ITPR1: variants seen among roughly 807,000 people sequenced by gnomAD.
The protein encoded by ITPR1 is inositol 1,4,5-trisphosphate receptor type 1, also known as inositol 1,4,5-trisphosphate-gated calcium channel ITPR1.
ITPR1 carries 96 observed loss-of-function variants against 318.4 expected under a neutral mutation model. That is an observed-to-expected ratio of 0.30 (90% CI 0.26 to 0.36). ITPR1 has a LOEUF of 0.36. Among genes scored for constraint, ITPR1 ranks in the 10% least tolerant of loss-of-function variants. The pLI is 1.00. For synonymous variants in ITPR1, 1,312 were observed against 1,289.9 expected (o/e 1.02, Z -0.37); for missense variants, 2,440 against 3,460.2 (o/e 0.71, Z 7.40).
intron 40 of ITPR1, among the ~76,000 whole-genome samples, chr3:4,718,425 C>T (rs184084778): frequency 1.4e-3 from 212 of 152,224 alleles, no homozygotes; most frequent in Admixed American, 2.4e-3. Context: ...ATTAATACAC[C>T]GTAATTTCAG....
At chr3:4,638,006 A>C (rs114500538) in intron 5 of ITPR1, among the ~76,000 whole-genome samples, 2 of 152,190 alleles carry the variant, frequency 1.3e-5, no homozygotes, top group African/African-American at 4.8e-5. Context: ...TGGCCCTAAA[A>C]GGCTTGTATT....
chr3:4,500,784 TC>T (rs2080961059), intron 2 of ITPR1, among the ~76,000 whole-genome samples: 1 of 152,220 alleles, frequency 6.6e-6, no homozygotes, highest in Admixed American at 6.5e-5. Context: ...TTGTTCTGTA[TC>T]CGTGTTTTTC....
intron 44 of ITPR1, among the ~76,000 whole-genome samples, chr3:4,757,425 C>G (rs2045086082): frequency 6.6e-6 from 1 of 152,170 alleles, no homozygotes; most frequent in Non-Finnish European, 1.5e-5. Context: ...CTATTCTTTA[C>G]TGTGAGAGGA....
At chr3:4,495,029 C>G (rs2080440803) in intron 2 of ITPR1, among the ~76,000 whole-genome samples, 1 of 152,172 alleles carries the variant, frequency 6.6e-6, no homozygotes. Context: ...GTGGTAGCAT[C>G]CAGCCCTTGA....
chr3:4,535,303 C>T (rs1413629400), intron 4 of ITPR1, among the ~76,000 whole-genome samples: 1 of 152,070 alleles, frequency 6.6e-6, no homozygotes, highest in Non-Finnish European at 1.5e-5. Context: ...GCATTATTTC[C>T]AGTTGTCCCC....
At chr3:4,798,846 G>T (rs2048049288) in intron 53 of ITPR1, among the ~76,000 whole-genome samples, 1 of 152,192 alleles carries the variant, frequency 6.6e-6, no homozygotes, top group African/African-American at 2.4e-5. Flanking sequence ...TACCTGATAG[G>T]ATTATTTTCC....
At chr3:4,657,386 G>GTTTTT (rs112693174) in intron 12 of ITPR1, among the ~76,000 whole-genome samples, 3,539 of 132,512 alleles carry the variant, frequency 0.027, 255 homozygotes, top group African/African-American at 0.1. Flanking sequence ...TGTACCTAGA[G>GTTTTT]TTTTTTTTTT....
chr3:4,804,456 C>A (rs2048435248), intron 54 of ITPR1, among the ~76,000 whole-genome samples: 1 of 152,154 alleles, frequency 6.6e-6, no homozygotes, highest in East Asian at 1.9e-4. Context: ...GGGATGGAAG[C>A]CAGATCTAAG....
At chr3:4,639,548 G>T in intron 6 of ITPR1, 78 bp downstream of exon 6, 4 of 1,063,902 alleles carry the variant, frequency 3.8e-6, no homozygotes, top group South Asian at 1.4e-5. Flanking sequence ...ACCTAAGACA[G>T]GGTTTGGACA....
chr3:4,564,044 C>T (rs187069953), intron 4 of ITPR1, among the ~76,000 whole-genome samples: 9 of 151,916 alleles, frequency 5.9e-5, no homozygotes, highest in African/African-American at 1.2e-4. Context: ...GGGGTTCAAG[C>T]GATTCTCTTG....
chr3:4,598,346 G>A (rs1199614055), intron 4 of ITPR1, among the ~76,000 whole-genome samples: 2 of 152,226 alleles, frequency 1.3e-5, no homozygotes, highest in Non-Finnish European at 1.5e-5. Context: ...CAGGCTGGGT[G>A]CAGTGGCTCA....
At chr3:4,791,088 T>C (rs2047524445) in intron 52 of ITPR1, among the ~76,000 whole-genome samples, 1 of 152,220 alleles carries the variant, frequency 6.6e-6, no homozygotes, top group Non-Finnish European at 1.5e-5. Flanking sequence ...AGCCTTCCAG[T>C]AAAGTCCCGT....
Position 4,688,607 on chromosome 3 carries a change from T to G in ITPR1, c.3815T>G (p.Phe1272Cys). ...TTGCTACATAAACACATAAACCTGT[T>G]TCTCAACCCAGGGGTAAGACTTGAG... ...QALLHKHINLFLNPGILEAVT... is the reference protein window; with the variant it reads ...QALLHKHINLCLNPGILEAVT... Residue 1272 changes from phenylalanine to cysteine, a missense_variant, in exon 31 of 62, where the codon TTT becomes TGT. By Grantham distance (205) the Phe-to-Cys change is radical (BLOSUM62 -2). Transcript: ENST00000649015. 6.2e-7 allele frequency: 1 copy of G among 1,613,836 alleles called. No homozygotes were observed. Among genetic ancestry groups the G allele is most frequent in the Non-Finnish European group, 8.5e-7 (1 of 1,179,746 alleles).
chr3:4,510,529 G>C (rs1270009077), intron 2 of ITPR1, among the ~76,000 whole-genome samples: 4 of 152,140 alleles, frequency 2.6e-5, no homozygotes, highest in African/African-American at 9.7e-5. Flanking sequence ...CTTAAAGTCA[G>C]CAAAAATTGA....
At chr3:4,601,273 C>T (rs2091259974) in intron 4 of ITPR1, among the ~76,000 whole-genome samples, 1 of 148,278 alleles carries the variant, frequency 6.7e-6, no homozygotes, top group African/African-American at 2.5e-5. Flanking sequence ...AATCCCAGTA[C>T]TTTGGGAGGC....
chr3:4,618,717 C>CG (rs2092481280), intron 4 of ITPR1, among the ~76,000 whole-genome samples: 1 of 152,188 alleles, frequency 6.6e-6, no homozygotes, highest in Admixed American at 6.5e-5. Flanking sequence ...TCCTCACCAC[C>CG]GTCCTCTATC....
Position 4,787,360 on chromosome 3 carries a change from AAAG to A in ITPR1, c.6616-584_6616-582del, listed in dbSNP as rs1366909178. On this transcript the variant is annotated intron_variant, in intron 51 of 61. Coordinates refer to ENST00000649015, the MANE Select transcript of ITPR1 (RefSeq NM_001378452.1). ...CTCAAAAAAAAAAAAAAAAAAAAAAAAAGAATTCATGGGTTCATCATTGTCTTG... is the reference window on the plus strand; with the variant it reads ...CTCAAAAAAAAAAAAAAAAAAAAAAAAATTCATGGGTTCATCATTGTCTTG... 1.4e-3 allele frequency among the ~76,000 whole-genome samples: 212 copies of A among 150,808 alleles called. 1 individual carries two copies. The highest frequency in any genetic ancestry group is 5.0e-3 in the African/African-American group (204 of 41,058).
chr3:4,733,792 A>G (rs1275422963), intron 43 of ITPR1, among the ~76,000 whole-genome samples: 3 of 151,210 alleles, frequency 2.0e-5, no homozygotes, highest in Admixed American at 6.6e-5. Context: ...TACATCCACA[A>G]ACTCCTATGG....
intron 7 of ITPR1, 51 bp from the exon 8 acceptor site, chr3:4,644,085 C>T (rs1221529160): frequency 3.2e-6 from 4 of 1,234,236 alleles, no homozygotes; most frequent in South Asian, 1.3e-5. Flanking sequence ...GTGGTCAATC[C>T]GCAGTCCTTA....
Sources: gnomAD v4.1 joint callset for allele counts (sites outside exome capture counted in the v4.1 genomes callset) on GRCh38, gnomAD v4.1.1 for gene constraint, MANE v1.5 for transcripts, NCBI Gene and HGNC (gene_info 2026-07-23, HGNC 2026-07-21) for gene names.